The following IGSF9 variants were observed in gnomAD, a reference collection of about 807,000 sequenced individuals.
IGSF9 encodes immunoglobulin superfamily member 9, also known as protein turtle homolog A.
IGSF9 carries 87 observed loss-of-function variants against 121.7 expected under a neutral mutation model. The observed-to-expected ratio is 0.71, with a 90% CI of 0.60 to 0.85. The LOEUF (loss-of-function observed/expected upper bound fraction) is 0.85, where lower values mean the gene tolerates loss of function less well. IGSF9 is among the 40% of genes least tolerant of loss of function. The probability of loss-of-function intolerance (pLI) is 0.00; values close to 1 mark genes in which losing one functional copy is unlikely to be tolerated. For synonymous variants in IGSF9, 640 were observed against 648.4 expected (o/e 0.99, Z 0.20); for missense variants, 1,462 against 1,565.3 (o/e 0.93, Z 1.11).
At chr1:159,941,253 T>C (rs1651367862) in intron 3 of IGSF9, among the ~76,000 whole-genome samples, 1 of 152,170 alleles carries the variant, frequency 6.6e-6, no homozygotes. Flanking sequence ...CCAGAGGGCT[T>C]ATGACAGAAG....
Position 159,930,882 on chromosome 1 carries a change from G to A in IGSF9, c.1638-15C>T, listed in dbSNP as rs747861305. On this transcript the variant is annotated splice_polypyrimidine_tract_variant and intron_variant, in intron 13 of 20. Coordinates refer to ENST00000368094, the MANE Select transcript of IGSF9 (RefSeq NM_001135050.2). ...GACGCTTGGCCCTGGGAGACATGAG[G>A]ACATGGGGGGCACCTCGTGAGCTAG... The A allele has an allele frequency of 1.3e-5, 20 of 1,586,858 alleles. No individual in the cohort carries two copies. Among genetic ancestry groups the A allele is most frequent in the Non-Finnish European group, 1.5e-5 (18 of 1,166,384 alleles).
intron 4 of IGSF9, 23 bp downstream of exon 4, chr1:159,937,663 C>A (rs755564041): frequency 6.2e-7 from 1 of 1,604,542 alleles, no homozygotes; most frequent in South Asian, 1.1e-5. Context: ...TCCTTCTCCA[C>A]CACCTGCCCC....
At position 159,943,507 on chromosome 1, in the gene IGSF9, A is replaced by AG; in HGVS notation, c.-54dup. On this transcript the variant is annotated 5_prime_UTR_variant, in exon 2 of 21. Coordinates refer to ENST00000368094, the MANE Select transcript of IGSF9 (RefSeq NM_001135050.2). ...CTCCTATCCACAGGAGCCCAGATGG[A>AG]GGGGCCAAGGGATGTCCTTCTGATC... is the stretch of plus-strand genomic sequence containing the variant. 2 of 1,467,716 alleles carry AG rather than the reference A, an allele frequency of 1.4e-6. No individual in the cohort carries two copies. Among genetic ancestry groups the AG allele is most frequent in the South Asian group, 2.8e-5 (2 of 72,288 alleles). The allele number at this position is 1,467,716 out of a possible 1,614,324, so 90.9% of individuals were successfully genotyped here. A position where few individuals can be genotyped will look rare whatever the true frequency, so the allele number is the denominator to read the frequency against.
At position 159,928,405 on chromosome 1, in the gene IGSF9, G is replaced by T; in HGVS notation, c.2983C>A (p.Pro995Thr). 1 of 1,603,774 alleles carries T rather than the reference G, an allele frequency of 6.2e-7. No homozygotes were observed. The stretch of plus-strand genomic sequence containing the variant: ...GTCCAGTCAGCCAGGGCTGTGTAAG[G>T]GGGCTCTGCAGTGGCCCCAGCCCCT... Reference protein sequence around the residue: ...VVGAGATAEPPYTALADWTLR... With the variant: ...VVGAGATAEPTYTALADWTLR... Residue 995 changes from proline (P) to threonine (T), a missense_variant, in exon 19 of 21, where the codon CCT becomes ACT. This residue lies in a region of IGSF9 where 808 missense variants were observed against 815.2 expected (regional missense o/e 0.99). Coordinates refer to ENST00000368094, the MANE Select transcript of IGSF9 (RefSeq NM_001135050.2).
At chr1:159,944,342 C>T (rs1228575212) in intron 1 of IGSF9, among the ~76,000 whole-genome samples, 1 of 152,166 alleles carries the variant, frequency 6.6e-6, no homozygotes, top group Non-Finnish European at 1.5e-5. Context: ...GGAGGAGCTG[C>T]CTCCCCCACC....
chr1:159,927,238 C>A lies in IGSF9; in HGVS notation c.*107G>T. 2 of 1,378,104 alleles carry A rather than the reference C, an allele frequency of 1.5e-6. No homozygotes were observed. Among genetic ancestry groups the A allele is most frequent in the Non-Finnish European group, 2.1e-6 (2 of 974,520 alleles). 85.4% of individuals were successfully genotyped at this position (1,378,104 alleles called of 1,614,324 possible). A position where few individuals can be genotyped will look rare whatever the true frequency, so the allele number is the denominator to read the frequency against. ...CACTATCAGGGTCTGTGCCTGGGCA[C>A]CAAAGGGGCAGGCAGGGGCAGTGCC... On this transcript the variant is annotated 3_prime_UTR_variant, in exon 21 of 21. Coordinates refer to ENST00000368094, the MANE Select transcript of IGSF9 (RefSeq NM_001135050.2).
Position 159,929,980 on chromosome 1 carries a change from G to C in IGSF9, c.2065-5C>G. The C allele has an allele frequency of 2.5e-6, 4 of 1,591,290 alleles. No homozygotes were observed. Among genetic ancestry groups the C allele is most frequent in the South Asian group, 2.2e-5 (2 of 89,284 alleles). ...GCGGAACTCGTAGAGAACATCCTGCGATGGGGATGGGGTACCAGGAGGGAG... is the reference window on the plus strand; with the variant it reads ...GCGGAACTCGTAGAGAACATCCTGCCATGGGGATGGGGTACCAGGAGGGAG... On this transcript the variant is annotated splice_polypyrimidine_tract_variant and splice_region_variant and intron_variant, in intron 15 of 20. Transcript: ENST00000368094.
In IGSF9 at chr1:159,929,400, G is replaced by C. The variant is rs759165645; in HGVS notation, c.2327-7C>G. Reference sequence around the variant, plus strand: ...GAGAAGATAAGAGGTGGATCTGGAAGGGCATGAGAATAGTAGGTGACACAG... The same window carrying C: ...GAGAAGATAAGAGGTGGATCTGGAACGGCATGAGAATAGTAGGTGACACAG... On this transcript the variant is annotated splice_region_variant and splice_polypyrimidine_tract_variant and intron_variant, in intron 17 of 20. Coordinates refer to ENST00000368094, the MANE Select transcript of IGSF9 (RefSeq NM_001135050.2). 16 of 1,614,124 alleles carry C rather than the reference G, an allele frequency of 9.9e-6. No individual in the cohort carries two copies. The Admixed American group carries it at 2.7e-4, about 27-fold the overall frequency.
intron 9 of IGSF9, 141 bp downstream of exon 9, chr1:159,934,049 T>G: frequency 9.7e-7 from 1 of 1,027,282 alleles, no homozygotes; most frequent in Non-Finnish European, 1.4e-6. Flanking sequence ...CTATGCAACA[T>G]GTCTTATAAC....
In IGSF9 at chr1:159,934,463, A is replaced by G. The variant is rs1349277936; in HGVS notation, c.923T>C (p.Leu308Pro). 1.2e-6 allele frequency: 2 copies of G among 1,602,600 alleles called. No individual in the cohort carries two copies. Among genetic ancestry groups the G allele is most frequent in the Non-Finnish European group, 1.7e-6 (2 of 1,174,652 alleles). The change falls in exon 8 of 21, where the codon CTG becomes CCG. Residue 308 changes from leucine to proline, a missense_variant. This residue lies in a region of IGSF9 where 558 missense variants were observed against 599.4 expected (regional missense o/e 0.93). Transcript: ENST00000368094. ...GTAGGCAGAGGCTGAGGGTGGATGC[A>G]GGAGGCCATTGCTGGGCACACAGGT... Reference protein sequence around the residue: ...CYTCVPSNGLLHPPSASAYLT... With the variant: ...CYTCVPSNGLPHPPSASAYLT...
intron 17 of IGSF9, 42 bp downstream of exon 17, chr1:159,929,596 G>T: frequency 6.4e-7 from 1 of 1,568,498 alleles, no homozygotes; most frequent in Non-Finnish European, 8.6e-7. Context: ...AGGAGGCTAG[G>T]CCCAAGTGCG....
rs1032920877 is a variant in IGSF9 at position 159,928,550 on chromosome 1, C to T, written c.2838G>A (p.Glu946=). 1.3e-6 allele frequency: 2 copies of T among 1,547,306 alleles called. No individual in the cohort carries two copies. The highest frequency in any genetic ancestry group is 1.7e-6 in the Non-Finnish European group (2 of 1,145,784). ...AATCTGGGGGTGCAGCAGGGCTGGG[C>T]TCCTCAAGCGGGGGCCAGTCCCCAT... The part of the protein sequence containing the change: ...NVDGDWPPLE[E]PSPAAPPDYM... Residue 946 remains glutamate (E), a synonymous_variant, in exon 19 of 21, where the codon GAG becomes GAA. Coordinates refer to ENST00000368094, the MANE Select transcript of IGSF9 (RefSeq NM_001135050.2).
chr1:159,943,402 GC>G lies in IGSF9; in HGVS notation c.52del (p.Ala18LeufsTer113), dbSNP rs750940463. ...AVLSLVISQG[A>X]DGRGKPEVVS... Reference sequence around the variant, plus strand: ...AGCCCAAGAGCTCAGCTTACCGTCAGCCCCCTGGCTGATGACCAGGCTGAGG... The same window carrying G: ...AGCCCAAGAGCTCAGCTTACCGTCAGCCCCTGGCTGATGACCAGGCTGAGG... On this transcript the variant is annotated frameshift_variant, in exon 2 of 21. Coordinates refer to ENST00000368094, the MANE Select transcript of IGSF9 (RefSeq NM_001135050.2). LOFTEE classifies it high-confidence loss of function. 1.3e-6 allele frequency: 2 copies of G among 1,587,278 alleles called. No individual in the cohort carries two copies. Among genetic ancestry groups the G allele is most frequent in the South Asian group, 1.2e-5 (1 of 86,646 alleles).
rs942575054 is a variant in IGSF9, at chr1:159,930,535, C to A, written c.1814-96G>T. On this transcript the variant is annotated intron_variant, in intron 14 of 20. Coordinates refer to ENST00000368094, the MANE Select transcript of IGSF9 (RefSeq NM_001135050.2). ...AGTGCCCAACTCTTCTCCCAGAACC[C>A]CTGAAGACAAGCTCAAATCATCTTC... is the stretch of plus-strand genomic sequence containing the variant. 4.6e-6 allele frequency: 7 copies of A among 1,521,470 alleles called. No individual in the cohort carries two copies. The Admixed American group carries it at 1.1e-4, about 24-fold the overall frequency. The allele number at this position is 1,521,470 out of a possible 1,614,324, so 94.2% of individuals were successfully genotyped here.
Position 159,931,726 on chromosome 1 carries a change from A to G in IGSF9, c.1362+86T>C. 6.8e-7 allele frequency: 1 copy of G among 1,464,728 alleles called. No individual in the cohort carries two copies. The allele number at this position is 1,464,728 out of a possible 1,614,324, so 90.7% of individuals were successfully genotyped here. A position where few individuals can be genotyped will look rare whatever the true frequency, so the allele number is the denominator to read the frequency against. ...CCTCTGACAGCCTTCTCCTTCCCACACCCTCCCTCCCACAAAATGGCTGGG... is the reference window on the plus strand; with the variant it reads ...CCTCTGACAGCCTTCTCCTTCCCACGCCCTCCCTCCCACAAAATGGCTGGG... On this transcript the variant is annotated intron_variant, in intron 11 of 20. Transcript: ENST00000368094. This position sits in a 1 kb window ranked among gnomAD's most constrained non-coding sequence, Gnocchi z 4.8.
Position 159,932,036 on chromosome 1 carries a change from C to A in IGSF9, c.1246-108G>T. 4.4e-6 allele frequency: 3 copies of A among 684,370 alleles called. No individual in the cohort carries two copies. Among genetic ancestry groups the A allele is most frequent in the Non-Finnish European group, 7.6e-6 (3 of 395,666 alleles). The allele number at this position is 684,370 out of a possible 1,614,324, so 42.4% of individuals were successfully genotyped here. A position where few individuals can be genotyped will look rare whatever the true frequency, so the allele number is the denominator to read the frequency against. ...CCATGTCTCACCTCACTCTCCCTCA[C>A]TCCCCCTAGCTAAACACTCACCAAG... On this transcript the variant is annotated intron_variant, in intron 10 of 20. Coordinates refer to ENST00000368094, the MANE Select transcript of IGSF9 (RefSeq NM_001135050.2). The surrounding 1 kb of genome is among the most constrained non-coding windows in gnomAD (Gnocchi z 4.1).
At position 159,930,189 on chromosome 1, in the gene IGSF9, C is replaced by T. The variant is rs1158926484; in HGVS notation, c.2064G>A (p.Lys688=). The change falls in exon 15 of 21, where the codon AAG becomes AAA. Residue 688 remains lysine, a splice_region_variant and synonymous_variant. Transcript: ENST00000368094. ...ETELLVPGLI[K]DVLYEFRLVA... Reference sequence around the variant, plus strand: ...TCTCTGTATCGCCTTTCGCACATACCTTGATGAGGCCTGGCACCAGCAGCT... The same window carrying T: ...TCTCTGTATCGCCTTTCGCACATACTTTGATGAGGCCTGGCACCAGCAGCT... The T allele has an allele frequency of 4.4e-6, 7 of 1,603,974 alleles. No individual in the cohort carries two copies. Among genetic ancestry groups the T allele is most frequent in the Admixed American group, 1.7e-5 (1 of 58,960 alleles).
intron 3 of IGSF9, among the ~76,000 whole-genome samples, chr1:159,940,181 C>T (rs1571220514): frequency 2.0e-5 from 3 of 152,354 alleles, no homozygotes; most frequent in South Asian, 2.1e-4. Context: ...TTTCTCCAGA[C>T]GCGGCGTGCT....
chr1:159,929,464 C>A, intron 17 of IGSF9, 71 bp from the exon 18 acceptor site: 7 of 1,571,398 alleles, frequency 4.5e-6, no homozygotes, highest in Non-Finnish European at 6.1e-6. Context: ...CTCTCTCACC[C>A]AACACCAGGC....
Sources: allele counts gnomAD v4.1 joint callset (sites outside exome capture counted in the v4.1 genomes callset), GRCh38; gene constraint gnomAD v4.1.1; regional missense constraint gnomAD v4.1.1; non-coding constraint Gnocchi (gnomAD v3.1); transcripts MANE v1.5; gene names NCBI Gene and HGNC (gene_info 2026-07-23, HGNC 2026-07-21).